The following ADAMTS6 variants were observed in gnomAD, a reference collection of about 807,000 sequenced individuals.
ADAMTS6 encodes A disintegrin and metalloproteinase with thrombospondin motifs 6.
ADAMTS6 carries 23 observed loss-of-function variants against 144.3 expected under a neutral mutation model. The observed-to-expected ratio is 0.16, with a 90% CI of 0.11 to 0.23. The LOEUF (loss-of-function observed/expected upper bound fraction) is 0.23. Among genes scored for constraint, ADAMTS6 ranks in the 10% least tolerant of loss-of-function variants. The probability of loss-of-function intolerance (pLI) is 1.00; values close to 1 mark genes in which losing one functional copy is unlikely to be tolerated. For synonymous variants in ADAMTS6, 444 were observed against 457.5 expected, an observed-to-expected ratio of 0.97 and a Z score of 0.38; for missense variants, 999 against 1,379.6, an observed-to-expected ratio of 0.72 and a Z score of 4.37.
chr5:65,376,918 T>C (rs1751618153), intron 7 of ADAMTS6, among the ~76,000 whole-genome samples: 1 of 152,128 alleles, frequency 6.6e-6, no homozygotes, highest in Non-Finnish European at 1.5e-5. Flanking sequence ...CCAAGTTATG[T>C]AAAATGTTTG....
At chr5:65,297,895 C>G (rs1742996556) in intron 10 of ADAMTS6, among the ~76,000 whole-genome samples, 1 of 152,048 alleles carries the variant, frequency 6.6e-6, no homozygotes, top group Admixed American at 6.6e-5. Context: ...GTGAGCATTC[C>G]CATGAGGATG....
chr5:65,157,886 C>T (rs1181891280), intron 24 of ADAMTS6, among the ~76,000 whole-genome samples: 2 of 152,204 alleles, frequency 1.3e-5, no homozygotes, highest in African/African-American at 2.4e-5. Context: ...CAGAACAGTA[C>T]ACCAGCTTAT....
intron 15 of ADAMTS6, among the ~76,000 whole-genome samples, chr5:65,240,733 C>T (rs1759104875): frequency 6.6e-6 from 1 of 152,014 alleles, no homozygotes. Flanking sequence ...ATTTCCAGCC[C>T]CCAGTACCGA....
chr5:65,365,172 A>G (rs1750194616), intron 7 of ADAMTS6, among the ~76,000 whole-genome samples: 1 of 152,100 alleles, frequency 6.6e-6, no homozygotes, highest in Admixed American at 6.5e-5. Flanking sequence ...TGTTAATTAT[A>G]TACTCCAGAT....
At chr5:65,423,718 T>C (rs2150203535) in intron 7 of ADAMTS6, among the ~76,000 whole-genome samples, 1 of 152,192 alleles carries the variant, frequency 6.6e-6, no homozygotes, top group East Asian at 1.9e-4. Flanking sequence ...ATGACATGAA[T>C]GTACTTGAAG....
At chr5:65,157,743 T>TG (rs1377554937) in intron 24 of ADAMTS6, among the ~76,000 whole-genome samples, 3 of 152,276 alleles carry the variant, frequency 2.0e-5, no homozygotes, top group African/African-American at 7.2e-5. Flanking sequence ...GCACAGGAGT[T>TG]GGGGTGGGGA....
intron 3 of ADAMTS6, among the ~76,000 whole-genome samples, chr5:65,464,461 G>A (rs1242440440): frequency 1.3e-5 from 2 of 152,080 alleles, no homozygotes; most frequent in Admixed American, 6.5e-5. Context: ...GGTTTCTATT[G>A]GAGGCAAAGT....
chr5:65,303,345 T>C (rs1360922280), intron 9 of ADAMTS6, among the ~76,000 whole-genome samples: 2 of 152,148 alleles, frequency 1.3e-5, no homozygotes, highest in African/African-American at 4.8e-5. Context: ...AGAAATTGAA[T>C]TGATGCTGAA....
At chr5:65,294,200 G>A (rs1933800397) in intron 10 of ADAMTS6, among the ~76,000 whole-genome samples, 1 of 152,034 alleles carries the variant, frequency 6.6e-6, no homozygotes, top group Admixed American at 6.6e-5. Flanking sequence ...TTGAGGGATG[G>A]GATAGTTTTC....
At chr5:65,172,178 G>C (rs1022922580) in intron 23 of ADAMTS6, among the ~76,000 whole-genome samples, 1 of 151,444 alleles carries the variant, frequency 6.6e-6, no homozygotes, top group African/African-American at 2.4e-5. Context: ...ACTTTGGGAG[G>C]CCGAGGCGGG....
intron 18 of ADAMTS6, among the ~76,000 whole-genome samples, chr5:65,215,742 A>G (rs1034319204): frequency 6.6e-6 from 1 of 152,200 alleles, no homozygotes; most frequent in Non-Finnish European, 1.5e-5. Flanking sequence ...TGGAAGTAAC[A>G]AGGAAAATTA....
At chr5:65,173,067 A>AG in intron 22 of ADAMTS6, 59 bp from the exon 23 acceptor site, 1 of 1,530,812 alleles carries the variant, frequency 6.5e-7, no homozygotes. Context: ...GAAAATTTGA[A>AG]GAAAGTCTTT....
At chr5:65,476,099 C>G (rs1390838663) in intron 1 of ADAMTS6, among the ~76,000 whole-genome samples, 1 of 152,224 alleles carries the variant, frequency 6.6e-6, no homozygotes, top group Non-Finnish European at 1.5e-5. Flanking sequence ...ATGAAGCAAG[C>G]AAGCTGTCAT....
Position 65,215,470 on chromosome 5 carries a change from C to T in ADAMTS6, c.2290G>A (p.Asp764Asn), listed in dbSNP as rs1258389670. The T allele has an allele frequency of 6.2e-7, 1 of 1,605,170 alleles. No homozygotes were observed. Among genetic ancestry groups the T allele is most frequent in the African/African-American group, 1.3e-5 (1 of 74,428 alleles). The change falls in exon 19 of 25, where the codon GAT (aspartate) becomes AAT (asparagine). Residue 764 changes from aspartate to asparagine, a missense_variant. Asp to Asn is a conservative substitution (Grantham distance 23). Transcript: ENST00000381055. The part of the protein sequence containing the change: ...KNYIALKSEG[D>N]DYYINGAWTI... The stretch of plus-strand genomic sequence containing the variant: ...CAGGCACCATTAATATAGTAATCAT[C>T]TCCTTCAGATTTTAAAGCTAGAAAA...
At chr5:65,265,532 A>G (rs988092741) in intron 12 of ADAMTS6, among the ~76,000 whole-genome samples, 1 of 151,942 alleles carries the variant, frequency 6.6e-6, no homozygotes, top group Admixed American at 6.6e-5. Flanking sequence ...CAGTTTTCCT[A>G]TGCAAATAAC....
chr5:65,153,462 C>T (rs1026646493), intron 24 of ADAMTS6, among the ~76,000 whole-genome samples: 2 of 152,194 alleles, frequency 1.3e-5, no homozygotes, highest in Non-Finnish European at 2.9e-5. Flanking sequence ...CCACACTCAA[C>T]GTGTAACATG....
At chr5:65,245,751 C>T (rs2112513661) in intron 14 of ADAMTS6, among the ~76,000 whole-genome samples, 1 of 152,196 alleles carries the variant, frequency 6.6e-6, no homozygotes, top group Middle Eastern at 3.4e-3. Context: ...GCTTTGCAGG[C>T]CATGTGTCTC....
At chr5:65,289,223 T>C (rs1742045735) in intron 11 of ADAMTS6, among the ~76,000 whole-genome samples, 1 of 152,190 alleles carries the variant, frequency 6.6e-6, no homozygotes, top group African/African-American at 2.4e-5. Context: ...GAAGTCTTTA[T>C]AAACAAAACA....
At chr5:65,200,665 C>G (rs1475142714) in intron 20 of ADAMTS6, among the ~76,000 whole-genome samples, 1 of 151,992 alleles carries the variant, frequency 6.6e-6, no homozygotes, top group Non-Finnish European at 1.5e-5. Flanking sequence ...TAAAAATACA[C>G]TAATTGTATT....
Sources: allele counts gnomAD v4.1 joint callset (sites outside exome capture counted in the v4.1 genomes callset), GRCh38; gene constraint gnomAD v4.1.1; transcripts MANE v1.5; gene names NCBI Gene and HGNC (gene_info 2026-07-23, HGNC 2026-07-21).